Variants in IARS1 observed in about 807,000 individuals in gnomAD.
The protein encoded by IARS1 is isoleucine--tRNA ligase, cytoplasmic.
A neutral mutation model predicts 168.2 loss-of-function variants in IARS1; 124 were observed. That is an observed-to-expected ratio of 0.74 (90% CI 0.64 to 0.86). The LOEUF is 0.86. Among genes scored for constraint, IARS1 ranks in the 40% least tolerant of loss-of-function variants. The probability of loss-of-function intolerance (pLI) is 0.00; values close to 1 mark genes in which losing one functional copy is unlikely to be tolerated. For missense variants in IARS1, 1,452 were observed against 1,515.8 expected (o/e 0.96, Z 0.70); for synonymous variants, 532 against 529.4 (o/e 1.00, Z -0.07).
At chr9:92,247,938 T>C (rs1829464434) in intron 25 of IARS1, among the ~76,000 whole-genome samples, 1 of 152,262 alleles carries the variant, frequency 6.6e-6, no homozygotes, top group Non-Finnish European at 1.5e-5. Flanking sequence ...TGAATGTTAA[T>C]GAATACTGGC....
chr9:92,265,520 C>G lies in IARS1; in HGVS notation c.1465G>C (p.Glu489Gln). The part of the protein sequence containing the change: ...VCIGSVAELE[E>Q]LSGAKISDLH... The stretch of plus-strand genomic sequence containing the variant: ...TCTGAGATCTTTGCTCCTGACAGTT[C>G]TTCAAGTTCCGCCACTGACCCAATG... The change falls in exon 15 of 34, where the codon GAA (glutamate) becomes CAA (glutamine). Residue 489 changes from glutamate (E) to glutamine (Q), a missense_variant. Physicochemically the swap from Glu to Gln is conservative, Grantham distance 29 (BLOSUM62 2). Transcript: ENST00000443024. 6.2e-7 allele frequency: 1 copy of G among 1,613,672 alleles called. No individual in the cohort carries two copies. Among genetic ancestry groups the G allele is most frequent in the Non-Finnish European group, 8.5e-7 (1 of 1,179,888 alleles).
At chr9:92,231,035 C>T (rs1275271613) in intron 30 of IARS1, among the ~76,000 whole-genome samples, 1 of 152,190 alleles carries the variant, frequency 6.6e-6, no homozygotes, top group Non-Finnish European at 1.5e-5. Context: ...CAGTCTGTAG[C>T]TTGTCTTTCA....
chr9:92,264,378 C>G (rs545666509), intron 16 of IARS1, among the ~76,000 whole-genome samples: 1 of 151,406 alleles, frequency 6.6e-6, no homozygotes, highest in African/African-American at 2.4e-5. Context: ...GCCAGCAAAG[C>G]CAATCCATGG....
intron 20 of IARS1, chr9:92,253,689 A>C: frequency 1.8e-6 from 1 of 540,712 alleles, no homozygotes; most frequent in Non-Finnish European, 3.4e-6. Context: ...GCCACATGCG[A>C]ATTCCCATTG....
At chr9:92,234,712 GCAGTTCAGGGAACCATGTA>G (rs1173373076) in intron 30 of IARS1, among the ~76,000 whole-genome samples, 1 of 152,174 alleles carries the variant, frequency 6.6e-6, no homozygotes, top group Non-Finnish European at 1.5e-5. Flanking sequence ...AAGTTGCAAA[GCAGTTCAGGGAACCATGTA>G]CTGTCTGAGA....
chr9:92,213,851 G>T (rs970246864), intron 33 of IARS1, among the ~76,000 whole-genome samples: 5 of 151,818 alleles, frequency 3.3e-5, no homozygotes, highest in Non-Finnish European at 7.4e-5. Flanking sequence ...AACTCTTGTC[G>T]CCCAGGCTGG....
At chr9:92,249,545 G>T (rs915973338) in intron 25 of IARS1, among the ~76,000 whole-genome samples, 10 of 151,808 alleles carry the variant, frequency 6.6e-5, no homozygotes, top group Non-Finnish European at 1.5e-5. Flanking sequence ...AGACTCTGTC[G>T]AAAGAAAAGA....
chr9:92,225,775 C>A (rs1378828238), intron 31 of IARS1, among the ~76,000 whole-genome samples: 1 of 152,188 alleles, frequency 6.6e-6, no homozygotes, highest in East Asian at 1.9e-4. Flanking sequence ...CAAATCTACA[C>A]AGGATTTAGA....
chr9:92,279,766 C>T (rs1365773892), intron 7 of IARS1, among the ~76,000 whole-genome samples: 1 of 152,184 alleles, frequency 6.6e-6, no homozygotes, highest in Admixed American at 6.5e-5. Context: ...TTTTCCTATA[C>T]TGAAACTCTG....
At chr9:92,266,556 A>G (rs974175436) in intron 14 of IARS1, among the ~76,000 whole-genome samples, 1 of 152,204 alleles carries the variant, frequency 6.6e-6, no homozygotes, top group Non-Finnish European at 1.5e-5. Flanking sequence ...GCAAATCTCA[A>G]GTTGAAATTT....
intron 28 of IARS1, 25 bp from the exon 29 acceptor site, chr9:92,242,355 A>G: frequency 6.3e-7 from 1 of 1,585,142 alleles, no homozygotes; most frequent in African/African-American, 1.3e-5. Context: ...AGAAAAATTT[A>G]AAAGGGAAGT....
intron 16 of IARS1, among the ~76,000 whole-genome samples, chr9:92,263,279 C>T (rs947226827): frequency 6.6e-6 from 1 of 152,182 alleles, no homozygotes; most frequent in Non-Finnish European, 1.5e-5. Context: ...CTGACCATTT[C>T]TCTGTTACCA....
intron 10 of IARS1, among the ~76,000 whole-genome samples, chr9:92,272,353 G>T (rs542677027): frequency 1.9e-4 from 29 of 152,220 alleles, no homozygotes; most frequent in Non-Finnish European, 3.1e-4. Flanking sequence ...TGGGTAGACA[G>T]GAAAAGCCCC....
intron 32 of IARS1, among the ~76,000 whole-genome samples, 189 bp from the exon 33 acceptor site, chr9:92,222,861 A>G (rs2151618): frequency 0.4 from 59,885 of 151,514 alleles, 13,787 homozygotes; most frequent in African/African-American, 0.63. Flanking sequence ...GTGAAGGGGA[A>G]GGGGAAAAAG....
intron 31 of IARS1, 114 bp downstream of exon 31, chr9:92,228,887 C>T: frequency 8.1e-7 from 1 of 1,235,862 alleles, no homozygotes; most frequent in South Asian, 1.4e-5. Context: ...TGGGCCCTGA[C>T]TCAAGAGAGT....
intron 21 of IARS1, chr9:92,252,408 G>A (rs577368880): frequency 2.1e-5 from 11 of 515,468 alleles, no homozygotes; most frequent in African/African-American, 1.7e-4. Flanking sequence ...ATACGTGTGT[G>A]TGAGATACAT....
chr9:92,284,711 G>A (rs1281276703), intron 6 of IARS1, among the ~76,000 whole-genome samples: 1 of 152,142 alleles, frequency 6.6e-6, no homozygotes, highest in Admixed American at 6.5e-5. Context: ...GGAGGTTGCA[G>A]GGAGCCAAGA....
intron 27 of IARS1, 89 bp downstream of exon 27, chr9:92,244,870 A>C: frequency 9.9e-7 from 1 of 1,014,284 alleles, no homozygotes; most frequent in Non-Finnish European, 1.5e-6. Flanking sequence ...ACAAGCTGTC[A>C]ACATTATCAG....
chr9:92,275,611 G>T (rs1833674262), intron 9 of IARS1, among the ~76,000 whole-genome samples: 1 of 152,174 alleles, frequency 6.6e-6, no homozygotes, highest in Non-Finnish European at 1.5e-5. Context: ...TTAGTTACAT[G>T]TTCTATACTT....
Sources: gnomAD v4.1 joint callset for allele counts (sites outside exome capture counted in the v4.1 genomes callset) on GRCh38, gnomAD v4.1.1 for gene constraint, MANE v1.5 for transcripts, NCBI Gene and HGNC (gene_info 2026-07-23, HGNC 2026-07-21) for gene names.